Variants in COL6A2 observed in about 807,000 individuals in gnomAD.
COL6A2 encodes the protein collagen type VI alpha 2 chain, also known as collagen alpha-2(VI) chain.
Under a neutral mutation model 124.9 loss-of-function variants are expected in COL6A2, and 90 were observed. That is an observed-to-expected ratio of 0.72 (90% CI 0.61 to 0.86). The LOEUF (loss-of-function observed/expected upper bound fraction) is 0.86, where lower values mean the gene tolerates loss of function less well. Ranked by LOEUF, COL6A2 falls within the 40% of genes least tolerant of loss-of-function variation. COL6A2 has a pLI of 0.00. For synonymous variants in COL6A2, 793 were observed against 618.2 expected, an observed-to-expected ratio of 1.28 and a Z score of -4.19; for missense variants, 1,607 against 1,502.5, an observed-to-expected ratio of 1.07 and a Z score of -1.15.
Position 46,125,461 on chromosome 21 carries a change from CCA to C in COL6A2, c.1817-3_1817-2del, listed in dbSNP as rs1491048605. 6.2e-7 allele frequency: 1 copy of C among 1,612,878 alleles called. No individual in the cohort carries two copies. Among genetic ancestry groups the C allele is most frequent in the South Asian group, 1.1e-5 (1 of 91,080 alleles). On this transcript the variant is annotated splice_acceptor_variant and splice_polypyrimidine_tract_variant and intron_variant, in intron 24 of 27. Transcript: ENST00000300527. LOFTEE classifies it high-confidence loss of function. ...ACCCCCCGATGACCCTGCCACCCCC[CCA>C]GACTGTGAGAAGCGCTGTGGCGCCC...
chr21:46,115,397 A>C (rs370865800), intron 5 of COL6A2, among the ~76,000 whole-genome samples: 3 of 152,360 alleles, frequency 2.0e-5, no homozygotes, highest in East Asian at 1.9e-4. Flanking sequence ...GAATTTATTT[A>C]ATAAAGTTCT....
rs749499259 is a variant in COL6A2, at chr21:46,125,385, T to C, written c.1816+74T>C. ...GCGGGAGTGCAGCAGGGCTGGGTCA[T>C]CGCTGGGTCCTGCATGTGCACGTGA... On this transcript the variant is annotated intron_variant, in intron 24 of 27. Coordinates refer to ENST00000300527, the MANE Select transcript of COL6A2 (RefSeq NM_001849.4). 1.9e-6 allele frequency: 3 copies of C among 1,605,850 alleles called. No individual in the cohort carries two copies. The East Asian group carries it at 6.7e-5, about 36-fold the overall frequency.
intron 27 of COL6A2, among the ~76,000 whole-genome samples, chr21:46,131,494 A>G (rs1273364388): frequency 6.6e-6 from 1 of 152,136 alleles, no homozygotes; most frequent in African/African-American, 2.4e-5. Flanking sequence ...AGCCAGCTCT[A>G]GGTGTTCTGA....
At chr21:46,120,440 A>C (rs2078545971) in intron 15 of COL6A2, 75 bp from the exon 16 acceptor site, 1 of 1,244,818 alleles carries the variant, frequency 8.0e-7, no homozygotes, top group Non-Finnish European at 1.1e-6. Flanking sequence ...ACCCCCGGCC[A>C]CACCCGCCTC....
intron 18 of COL6A2, 25 bp downstream of exon 18, chr21:46,121,643 C>T (rs371367025): frequency 7.4e-5 from 119 of 1,611,486 alleles, no homozygotes; most frequent in Non-Finnish European, 8.7e-5. Context: ...CCCAGCAGGA[C>T]GTATTAGGGG....
chr21:46,112,741 C>T lies in COL6A2; in HGVS notation c.715-63C>T. Reference sequence around the variant, plus strand: ...GTGTCCCTCCATCCCCACCCAGACTCGAGGTGCAGCCGCCCCAGGTCTCGA... The same window carrying T: ...GTGTCCCTCCATCCCCACCCAGACTTGAGGTGCAGCCGCCCCAGGTCTCGA... On this transcript the variant is annotated intron_variant, in intron 3 of 27. Transcript: ENST00000300527. The T allele has an allele frequency of 9.3e-6, 15 of 1,612,106 alleles. No individual in the cohort carries two copies. The South Asian group carries it at 9.9e-5, about 11-fold the overall frequency.
At position 46,115,942 on chromosome 21, in the gene COL6A2, C is replaced by T. The variant is rs556452181; in HGVS notation, c.855+17C>T. ...GGAAGACAGGTGAGTGTCCTTGCCC[C>T]ACGCCCGCCCCGCCTGCAGCCCAGC... is the stretch of plus-strand genomic sequence containing the variant. On this transcript the variant is annotated intron_variant, in intron 6 of 27. Transcript: ENST00000300527. The T allele has an allele frequency of 1.2e-6, 2 of 1,612,542 alleles. No homozygotes were observed. The highest frequency in any genetic ancestry group is 2.2e-5 in the East Asian group (1 of 44,874).
At chr21:46,103,045 G>A (rs1219776266) in intron 1 of COL6A2, among the ~76,000 whole-genome samples, 1 of 152,136 alleles carries the variant, frequency 6.6e-6, no homozygotes, top group Non-Finnish European at 1.5e-5. Flanking sequence ...CAGCCATCAG[G>A]TCCAGAGGTT....
intron 1 of COL6A2, among the ~76,000 whole-genome samples, chr21:46,101,727 T>C (rs1344913567): frequency 1.3e-5 from 2 of 152,188 alleles, no homozygotes; most frequent in Non-Finnish European, 2.9e-5. Context: ...CTCTCTGTTT[T>C]ATTCTGTTGG....
chr21:46,115,915 A>T lies in COL6A2; in HGVS notation c.845A>T (p.Lys282Met). 6.2e-7 allele frequency: 1 copy of T among 1,612,900 alleles called. No homozygotes were observed. The highest frequency in any genetic ancestry group is 1.1e-5 in the South Asian group (1 of 91,066). Residue 282 changes from lysine to methionine, a missense_variant, in exon 6 of 28, where the codon AAG (lysine) becomes ATG (methionine). Transcript: ENST00000300527. ...NMGEPGEPGQ[K>M]GRQGDPGIEG... ...GGTGAGCCGGGAGAGCCTGGCCAGA[A>T]GGGAAGACAGGTGAGTGTCCTTGCC...
chr21:46,112,907 G>A (rs1664227919), intron 4 of COL6A2, 83 bp downstream of exon 4: 13 of 1,573,700 alleles, frequency 8.3e-6, no homozygotes, highest in Admixed American at 1.7e-5. Context: ...GACTCCTGGC[G>A]CCTCCAGGCT....
chr21:46,124,829 A>T lies in COL6A2; in HGVS notation c.1735-56A>T, dbSNP rs554654811. On this transcript the variant is annotated intron_variant, in intron 22 of 27. Coordinates refer to ENST00000300527, the MANE Select transcript of COL6A2 (RefSeq NM_001849.4). ...GTATCAGTGGGCAGTGGCCTGGGAG[A>T]GACTCAGCCACCCAGCCTTGGCCCC... 181 of 1,607,772 alleles carry T rather than the reference A, an allele frequency of 1.1e-4. 1 individual carries two copies. In the African/African-American group the frequency reaches 2.4e-3, roughly 21 times the overall value.
At position 46,116,127 on chromosome 21, in the gene COL6A2, G is replaced by A. The variant is rs2078466616; in HGVS notation, c.900+74G>A. ...TGCCAGGCAGGCTCCCCCCAGCCCA[G>A]CCTCGGCCTCAGCCTCTACGACCCT... On this transcript the variant is annotated intron_variant, in intron 7 of 27. Transcript: ENST00000300527. The surrounding 1 kb of genome is among the most constrained non-coding windows in gnomAD (Gnocchi z 4.6). 1 of 1,477,248 alleles carries A rather than the reference G, an allele frequency of 6.8e-7. No individual in the cohort carries two copies. The highest frequency in any genetic ancestry group is 9.3e-7 in the Non-Finnish European group (1 of 1,080,904). 91.5% of individuals were successfully genotyped at this position (1,477,248 alleles called of 1,614,324 possible). A position where few individuals can be genotyped will look rare whatever the true frequency, so the allele number is the denominator to read the frequency against.
Position 46,115,995 on chromosome 21 carries a change from G to A in COL6A2, c.856-14G>A, listed in dbSNP as rs759917394. The A allele has an allele frequency of 4.2e-5, 67 of 1,611,664 alleles. No homozygotes were observed. Among genetic ancestry groups the A allele is most frequent in the African/African-American group, 2.1e-4 (16 of 75,002 alleles). On this transcript the variant is annotated splice_polypyrimidine_tract_variant and intron_variant, in intron 6 of 27. Coordinates refer to ENST00000300527, the MANE Select transcript of COL6A2 (RefSeq NM_001849.4). ...CCCAGGGCTGGGCTCACACTGCTGC[G>A]TTGTCCTTCACAGGGAGACCCGGGC... is the stretch of plus-strand genomic sequence containing the variant.
chr21:46,115,014 T>TC (rs2123623287), intron 5 of COL6A2, among the ~76,000 whole-genome samples: 1 of 152,366 alleles, frequency 6.6e-6, no homozygotes, highest in African/African-American at 2.4e-5. Flanking sequence ...GGATGAGACA[T>TC]CTCGAGGCTG....
At chr21:46,122,783 TG>T in intron 20 of COL6A2, 91 bp from the exon 21 acceptor site, 1 of 1,337,218 alleles carries the variant, frequency 7.5e-7, no homozygotes, top group Non-Finnish European at 1.1e-6. Flanking sequence ...GACCCCAAAA[TG>T]CCAGATCGAT....
At chr21:46,107,421 A>G (rs2078346661) in intron 1 of COL6A2, among the ~76,000 whole-genome samples, 1 of 152,176 alleles carries the variant, frequency 6.6e-6, no homozygotes, top group Admixed American at 6.5e-5. Flanking sequence ...AAAATATTTT[A>G]CCCCAAAACA....
rs761913437 is a variant in COL6A2, at chr21:46,126,222, G to A, written c.2407G>A (p.Asp803Asn). 7.7e-5 allele frequency: 123 copies of A among 1,599,584 alleles called. No individual in the cohort carries two copies. In the Middle Eastern group the frequency reaches 2.1e-3, roughly 28 times the overall value. ...VAEKFIDDME[D>N]VLCPDPQIVC... ...TGAGAAGTTCATCGATGACATGGAG[G>A]ACGTCCTCTGCCCGGGTGAGCGTGT... is the stretch of plus-strand genomic sequence containing the variant. The change falls in exon 26 of 28, where the codon GAC (aspartate) becomes AAC (asparagine). Residue 803 changes from aspartate to asparagine, a missense_variant. By Grantham distance (23) the Asp-to-Asn change is conservative (BLOSUM62 1). Transcript: ENST00000300527.
intron 27 of COL6A2, among the ~76,000 whole-genome samples, chr21:46,127,242 G>A (rs749905743): frequency 6.6e-6 from 1 of 152,164 alleles, no homozygotes; most frequent in Non-Finnish European, 1.5e-5. Context: ...GAGACAGGGT[G>A]GGAGGGTCCG....
Sources: allele counts gnomAD v4.1 joint callset (sites outside exome capture counted in the v4.1 genomes callset), GRCh38; gene constraint gnomAD v4.1.1; non-coding constraint Gnocchi (gnomAD v3.1); transcripts MANE v1.5; gene names NCBI Gene and HGNC (gene_info 2026-07-23, HGNC 2026-07-21).